The following ERICH1 variants were observed in gnomAD, a reference collection of about 807,000 sequenced individuals.
ERICH1 encodes the protein glutamate rich 1, also known as glutamate-rich protein 1.
Under a neutral mutation model 39.6 loss-of-function variants are expected in ERICH1, and 56 were observed. The ratio of observed to expected loss-of-function variants is 1.41; its 90% CI spans 1.14 to 1.77. The LOEUF is 1.77. Ranked by LOEUF, ERICH1 falls within the 40% of genes most tolerant of loss-of-function variation. The pLI, the probability that ERICH1 is intolerant of heterozygous loss-of-function variation, is 0.00. For synonymous variants in ERICH1, 313 were observed against 223.6 expected, an observed-to-expected ratio of 1.40 and a Z score of -3.57; for missense variants, 826 against 575.4, an observed-to-expected ratio of 1.44 and a Z score of -4.45.
Position 648,668 on chromosome 8 carries a change from T to G in ERICH1, c.976+19930A>C, listed in dbSNP as rs1799609341. Reference sequence around the variant, plus strand: ...GTGGGCACCGGCCTGGCACCACCACTGCCAAAATGCATCTTAAATGCAGAA... The same window carrying G: ...GTGGGCACCGGCCTGGCACCACCACGGCCAAAATGCATCTTAAATGCAGAA... On this transcript the variant is annotated intron_variant, in intron 3 of 3. Coordinates refer to the ERICH1 transcript ENST00000522706. Among the ~76,000 whole-genome samples the G allele has an allele frequency of 2.9e-5, 2 of 68,654 alleles. 1 individual carries two copies. The allele number at this position is 68,654 out of a possible 152,430, so 45.0% of individuals were successfully genotyped here.
chr8:633,289 T>A (rs1279665892), intron 3 of ERICH1, among the ~76,000 whole-genome samples: 5 of 152,178 alleles, frequency 3.3e-5, no homozygotes, highest in Admixed American at 2.0e-4. Flanking sequence ...AAACGTGTAT[T>A]GCAGCATTGC....
chr8:641,664 C>T (rs558808105), intron 3 of ERICH1, among the ~76,000 whole-genome samples: 2 of 152,200 alleles, frequency 1.3e-5, no homozygotes, highest in Non-Finnish European at 2.9e-5. Context: ...CAGTGGAGAA[C>T]GCAGCGGCCG....
chr8:699,340 G>A (rs932082658), intron 2 of ERICH1, among the ~76,000 whole-genome samples: 2 of 152,274 alleles, frequency 1.3e-5, no homozygotes, highest in South Asian at 2.1e-4. Context: ...CGCCACCCCC[G>A]ATTGCTGTCC....
At chr8:656,267 C>T (rs1317245697) in intron 3 of ERICH1, among the ~76,000 whole-genome samples, 1 of 152,188 alleles carries the variant, frequency 6.6e-6, no homozygotes, top group East Asian at 1.9e-4. Flanking sequence ...AGCTGGATCC[C>T]CCCTGCAAAG....
downstream of ERICH1, among the ~76,000 whole-genome samples, chr8:663,487 C>G (rs1340719315): frequency 6.6e-6 from 1 of 151,912 alleles, no homozygotes; most frequent in Admixed American, 6.6e-5. Flanking sequence ...GAGATTGGCA[C>G]CCACACAGCG....
intron 4 of ERICH1, chr8:669,061 G>A (rs968599871): frequency 1.3e-5 from 6 of 446,546 alleles, no homozygotes; most frequent in African/African-American, 4.1e-5. Context: ...CTGGTGAGAC[G>A]CCTCCCCTGG....
At chr8:640,879 C>T (rs1490157125) in intron 3 of ERICH1, 1 of 152,190 alleles carries the variant, frequency 6.6e-6, no homozygotes, top group Non-Finnish European at 1.5e-5. Context: ...TGTTAATTTT[C>T]TTAAAAATCT....
intron 3 of ERICH1, among the ~76,000 whole-genome samples, chr8:623,493 G>A (rs909505332): frequency 2.0e-5 from 3 of 152,016 alleles, no homozygotes; most frequent in Admixed American, 2.0e-4. Flanking sequence ...AAAAATTTTT[G>A]TTTTTTCCAG....
At chr8:615,133 G>A (rs113860045) in exon 4 of ERICH1, 96 of 610,190 alleles carry the variant, frequency 1.6e-4, no homozygotes, top group African/African-American at 1.4e-3. Flanking sequence ...TTGGGCTCCC[G>A]GTCCACTGCT....
intron 4 of ERICH1, among the ~76,000 whole-genome samples, chr8:673,063 A>C (rs1446210692): frequency 6.6e-6 from 1 of 152,388 alleles, no homozygotes. Context: ...CCAGGGGCGC[A>C]TGCCCATCCA....
chr8:631,628 T>C (rs1030096554), intron 3 of ERICH1, among the ~76,000 whole-genome samples: 33 of 152,286 alleles, frequency 2.2e-4, no homozygotes, highest in African/African-American at 7.0e-4. Context: ...TTTTTGTTTG[T>C]TTGTTTACAT....
At chr8:697,155 T>C (rs1226204500) in intron 2 of ERICH1, among the ~76,000 whole-genome samples, 2 of 152,158 alleles carry the variant, frequency 1.3e-5, no homozygotes, top group Non-Finnish European at 2.9e-5. Context: ...GTCTTTGAAA[T>C]GAATCCAGCA....
chr8:690,574 C>T (rs559700321), intron 3 of ERICH1, among the ~76,000 whole-genome samples: 38 of 152,334 alleles, frequency 2.5e-4, no homozygotes, highest in African/African-American at 8.7e-4. Context: ...TCTCAGAGGC[C>T]GGGCAGCCAG....
At chr8:650,660 G>C (rs1475832506) in intron 3 of ERICH1, among the ~76,000 whole-genome samples, 1 of 152,212 alleles carries the variant, frequency 6.6e-6, no homozygotes. Flanking sequence ...AGGAGAGAAG[G>C]AGGACATGAG....
chr8:678,586 G>A (rs1165483566), intron 3 of ERICH1, among the ~76,000 whole-genome samples: 1 of 152,168 alleles, frequency 6.6e-6, no homozygotes, highest in East Asian at 1.9e-4. Context: ...GAGGCGGGCG[G>A]ATCACGAGGT....
intron 3 of ERICH1, among the ~76,000 whole-genome samples, chr8:686,290 G>A (rs906072271): frequency 6.6e-6 from 1 of 151,972 alleles, no homozygotes; most frequent in Admixed American, 6.5e-5. Flanking sequence ...CAAGCTAAAA[G>A]CAGTGTAAGG....
At chr8:676,744 G>A (rs1012278489) in intron 3 of ERICH1, among the ~76,000 whole-genome samples, 13 of 152,194 alleles carry the variant, frequency 8.5e-5, no homozygotes, top group Admixed American at 5.9e-4. Flanking sequence ...CACGGCTCCC[G>A]GGTGTTGCCC....
chr8:621,096 T>C (rs1584933159), intron 3 of ERICH1, among the ~76,000 whole-genome samples: 1 of 152,084 alleles, frequency 6.6e-6, no homozygotes, highest in East Asian at 1.9e-4. Context: ...AGACTTAAAT[T>C]AAAAATCAGT....
intron 2 of ERICH1, among the ~76,000 whole-genome samples, chr8:708,696 T>TTTTGTTTTTTTTTTTTTTTTG (rs1813973808): frequency 7.2e-6 from 1 of 138,260 alleles, no homozygotes. Context: ...TTTTTTTTTT[T>TTTTGTTTTTTTTTTTTTTTTG]TTTTTTTTTT....
Sources: gnomAD v4.1 joint callset for allele counts (sites outside exome capture counted in the v4.1 genomes callset) on GRCh38, gnomAD v4.1.1 for gene constraint, MANE v1.5 for transcripts, NCBI Gene and HGNC (gene_info 2026-07-23, HGNC 2026-07-21) for gene names.